Variants in STRN observed in about 807,000 individuals in gnomAD.
The protein encoded by STRN is protein phosphatase 2 regulatory subunit B'''alpha.
STRN carries 53 observed loss-of-function variants against 96.3 expected under a neutral mutation model. The ratio of observed to expected loss-of-function variants is 0.55; its 90% CI spans 0.44 to 0.69. The LOEUF is 0.69. STRN is among the 30% of genes least tolerant of loss of function. STRN has a pLI of 0.00. For missense variants in STRN, 987 were observed against 963.9 expected, an observed-to-expected ratio of 1.02 and a Z score of -0.32; for synonymous variants, 428 against 355.9, an observed-to-expected ratio of 1.20 and a Z score of -2.28.
At chr2:36,937,082 G>T (rs923214290) in intron 1 of STRN, among the ~76,000 whole-genome samples, 6 of 152,190 alleles carry the variant, frequency 3.9e-5, no homozygotes, top group Non-Finnish European at 7.3e-5. Flanking sequence ...GGTGGCTCAT[G>T]CTTGTAATCC....
At chr2:36,917,503 G>C (rs1670135192) in intron 2 of STRN, among the ~76,000 whole-genome samples, 1 of 136,304 alleles carries the variant, frequency 7.3e-6, no homozygotes, top group Non-Finnish European at 1.5e-5. Flanking sequence ...CAGCCTGAGT[G>C]ACACAGTGAG....
chr2:36,904,894 TG>T (rs1181739576), intron 4 of STRN, among the ~76,000 whole-genome samples: 1 of 152,066 alleles, frequency 6.6e-6, no homozygotes. Flanking sequence ...TTTGCAAATT[TG>T]GAGAATTCAA....
rs566042948 is a variant in STRN at position 36,966,506 on chromosome 2, C to A, written c.-43G>T. ...GGGGAGCTGCCCCGGCGCCCAGCAGCGGAGGCAACAGCGGCGGCAAGCAGC... is the reference window on the plus strand; with the variant it reads ...GGGGAGCTGCCCCGGCGCCCAGCAGAGGAGGCAACAGCGGCGGCAAGCAGC... On this transcript the variant is annotated 5_prime_UTR_variant, in exon 1 of 18. Transcript: ENST00000263918. 6.8e-6 allele frequency: 9 copies of A among 1,323,182 alleles called. No homozygotes were observed. The South Asian group carries it at 1.4e-4, about 21-fold the overall frequency. 82.0% of individuals were successfully genotyped at this position (1,323,182 alleles called of 1,614,324 possible).
At chr2:36,922,457 C>A (rs1461227110) in intron 2 of STRN, among the ~76,000 whole-genome samples, 1 of 149,640 alleles carries the variant, frequency 6.7e-6, no homozygotes, top group Non-Finnish European at 1.5e-5. Context: ...AGGCTGACAC[C>A]GCAGTGAATC....
chr2:36,838,791 A>T lies in STRN; in HGVS notation c.*10665T>A, dbSNP rs575627169. Among the ~76,000 whole-genome samples, 3 of 152,348 alleles carry T rather than the reference A, an allele frequency of 2.0e-5. No individual in the cohort carries two copies. Among genetic ancestry groups the T allele is most frequent in the African/African-American group, 7.2e-5 (3 of 41,594 alleles). On this transcript the variant is annotated 3_prime_UTR_variant, in exon 18 of 18. Transcript: ENST00000263918. ...ACAGGAATGTTTATTGTAATAATAA[A>T]AAGGAAATAAGAGCTATGATAGACT...
At chr2:36,960,157 A>C (rs1356644921) in intron 1 of STRN, among the ~76,000 whole-genome samples, 1 of 152,240 alleles carries the variant, frequency 6.6e-6, no homozygotes, top group Non-Finnish European at 1.5e-5. Flanking sequence ...AAAATGTAGG[A>C]TTCATTTCAT....
Position 36,966,480 on chromosome 2 carries a change from CG to C in STRN, c.-18del. On this transcript the variant is annotated 5_prime_UTR_variant, in exon 1 of 18. Coordinates refer to ENST00000263918, the MANE Select transcript of STRN (RefSeq NM_003162.4). ...CTCGTCCATGGCGGCCGCAGATACC[CG>C]GGGAGCTGCCCCGGCGCCCAGCAGC... The C allele has an allele frequency of 2.1e-6, 3 of 1,424,704 alleles. No homozygotes were observed. Among genetic ancestry groups the C allele is most frequent in the Non-Finnish European group, 1.8e-6 (2 of 1,092,458 alleles). 88.3% of individuals were successfully genotyped at this position (1,424,704 alleles called of 1,614,324 possible).
At chr2:36,948,979 T>C (rs921541442) in intron 1 of STRN, among the ~76,000 whole-genome samples, 1 of 152,252 alleles carries the variant, frequency 6.6e-6, no homozygotes, top group Admixed American at 6.5e-5. Flanking sequence ...AGTACAGGCA[T>C]GTGTTGAACA....
chr2:36,948,483 G>A (rs1664664187), intron 1 of STRN, among the ~76,000 whole-genome samples: 1 of 152,090 alleles, frequency 6.6e-6, no homozygotes, highest in Admixed American at 6.6e-5. Flanking sequence ...GGACTTCAAT[G>A]TTAAATTTGG....
intron 15 of STRN, among the ~76,000 whole-genome samples, chr2:36,854,062 T>A (rs1668284196): frequency 8.2e-6 from 1 of 121,888 alleles, no homozygotes; most frequent in South Asian, 3.0e-4. Context: ...TCTTTATCCA[T>A]CTTATCTACC....
chr2:36,856,199 G>A (rs922100599), intron 14 of STRN, among the ~76,000 whole-genome samples: 1 of 152,214 alleles, frequency 6.6e-6, no homozygotes, highest in African/African-American at 2.4e-5. Context: ...CAACTGGAAT[G>A]CTCATACACT....
intron 2 of STRN, 37 bp from the exon 3 acceptor site, chr2:36,916,188 A>G (rs1273896963): frequency 4.6e-6 from 7 of 1,537,874 alleles, no homozygotes; most frequent in East Asian, 2.3e-5. Context: ...CCATCTTAAA[A>G]TATGTTTAAA....
intron 2 of STRN, among the ~76,000 whole-genome samples, chr2:36,921,969 T>C (rs1237416988): frequency 2.0e-5 from 3 of 152,148 alleles, no homozygotes; most frequent in Non-Finnish European, 2.9e-5. Flanking sequence ...ATAGACTATA[T>C]CAGATAATAG....
chr2:36,851,183 T>G, intron 15 of STRN, 76 bp from the exon 16 acceptor site: 1 of 1,319,410 alleles, frequency 7.6e-7, no homozygotes, highest in Non-Finnish European at 1.1e-6. Context: ...GAATTATCTA[T>G]CTAAGAGACT....
intron 2 of STRN, among the ~76,000 whole-genome samples, chr2:36,922,379 T>C (rs980727591): frequency 5.9e-5 from 9 of 151,934 alleles, no homozygotes; most frequent in Non-Finnish European, 1.3e-4. Flanking sequence ...TTTATCTGTG[T>C]GGACTGGAGT....
intron 1 of STRN, among the ~76,000 whole-genome samples, chr2:36,963,323 T>C (rs1243738172): frequency 6.6e-6 from 1 of 152,146 alleles, no homozygotes; most frequent in Non-Finnish European, 1.5e-5. Context: ...CTTAAAGGTA[T>C]TTGTGTTGAC....
At chr2:36,865,626 A>C (rs1021566420) in intron 12 of STRN, among the ~76,000 whole-genome samples, 1 of 152,102 alleles carries the variant, frequency 6.6e-6, no homozygotes, top group African/African-American at 2.4e-5. Context: ...CAGTGGTGGC[A>C]TATCGGCTCA....
At chr2:36,899,897 T>C (rs963284193) in intron 5 of STRN, among the ~76,000 whole-genome samples, 1 of 151,892 alleles carries the variant, frequency 6.6e-6, no homozygotes, top group African/African-American at 2.4e-5. Flanking sequence ...TACCTACCTA[T>C]CTACCTGGAG....
chr2:36,901,990 T>C (rs930299947), intron 5 of STRN, among the ~76,000 whole-genome samples: 1 of 152,188 alleles, frequency 6.6e-6, no homozygotes, highest in African/African-American at 2.4e-5. Context: ...GGAAATTTTT[T>C]CCCAATAAAT....
Sources: gnomAD v4.1 joint callset for allele counts (sites outside exome capture counted in the v4.1 genomes callset) on GRCh38, gnomAD v4.1.1 for gene constraint, MANE v1.5 for transcripts, NCBI Gene and HGNC (gene_info 2026-07-23, HGNC 2026-07-21) for gene names.